The following NELL1 variants were observed in gnomAD, a reference collection of about 807,000 sequenced individuals.
NELL1 encodes neural EGFL like 1, also known as protein kinase C-binding protein NELL1.
A neutral mutation model predicts 107.4 loss-of-function variants in NELL1; 76 were observed. The observed-to-expected ratio is 0.71, with a 90% CI of 0.59 to 0.86. NELL1 has a LOEUF of 0.86. Ranked by LOEUF, NELL1 falls within the 40% of genes least tolerant of loss-of-function variation. NELL1 has a pLI of 0.00. For missense variants in NELL1, 1,024 were observed against 1,005.5 expected (o/e 1.02, Z -0.25); for synonymous variants, 353 against 341.2 (o/e 1.03, Z -0.38).
At chr11:20,965,222 T>G (rs1253566448) in intron 12 of NELL1, among the ~76,000 whole-genome samples, 1 of 152,164 alleles carries the variant, frequency 6.6e-6, no homozygotes, top group African/African-American at 2.4e-5. Context: ...TAAAGCAATG[T>G]TTTGTCATGC....
rs781565679 is a variant in NELL1 at position 21,483,990 on chromosome 11, C to CATATATATATATATAT, written c.1646-50357_1646-50342dup. 2.4e-4 allele frequency among the ~76,000 whole-genome samples: 21 copies of CATATATATATATATAT among 88,396 alleles called. 1 individual carries two copies. The highest frequency in any genetic ancestry group is 3.9e-4 in the Non-Finnish European group (18 of 45,996). 58.0% of individuals were successfully genotyped at this position (88,396 alleles called of 152,430 possible). A position where few individuals can be genotyped will look rare whatever the true frequency, so the allele number is the denominator to read the frequency against. On this transcript the variant is annotated intron_variant, in intron 15 of 19. Transcript: ENST00000357134. Reference sequence around the variant, plus strand: ...TATTTGGGTATCCTATTTTACTTAACATATATATATATATATATATATATA... The same window carrying CATATATATATATATAT: ...TATTTGGGTATCCTATTTTACTTAACATATATATATATATATATATATATATATATATATATATATA...
intron 12 of NELL1, among the ~76,000 whole-genome samples, chr11:21,105,227 A>G (rs2133712363): frequency 6.6e-6 from 1 of 152,256 alleles, no homozygotes; most frequent in Middle Eastern, 3.4e-3. Flanking sequence ...GAGGTTTAAT[A>G]GGCAAAAGAA....
At chr11:20,981,982 T>TCTCTCTC (rs1851760652) in intron 12 of NELL1, among the ~76,000 whole-genome samples, 2 of 125,280 alleles carry the variant, frequency 1.6e-5, no homozygotes, top group African/African-American at 6.3e-5. Flanking sequence ...CTCTCTCTCT[T>TCTCTCTC]TCTCTCTCTT....
Position 20,821,823 on chromosome 11 carries a change from C to T in NELL1, c.336-25760C>T, listed in dbSNP as rs573005520. Among the ~76,000 whole-genome samples, 30 of 152,336 alleles carry T rather than the reference C, an allele frequency of 2.0e-4. No homozygotes were observed. The South Asian group carries it at 6.2e-3, about 32-fold the overall frequency. ...ATATTGCTTAATCTGAGTACCAGGG[C>T]TTCTCTCTTGTTCATTTGTATGTTA... is the stretch of plus-strand genomic sequence containing the variant. On this transcript the variant is annotated intron_variant, in intron 3 of 19. Transcript: ENST00000357134.
chr11:21,506,277 A>G (rs1855276385), intron 15 of NELL1, among the ~76,000 whole-genome samples: 1 of 152,174 alleles, frequency 6.6e-6, no homozygotes, highest in East Asian at 1.9e-4. Context: ...AGACCCGCAG[A>G]GTCACAGTTC....
intron 15 of NELL1, among the ~76,000 whole-genome samples, chr11:21,469,572 T>C (rs1221610950): frequency 6.6e-6 from 1 of 152,066 alleles, no homozygotes; most frequent in Non-Finnish European, 1.5e-5. Flanking sequence ...TGGACTTCCT[T>C]TTTTCTTCTC....
At chr11:21,359,809 T>C (rs910684542) in intron 14 of NELL1, among the ~76,000 whole-genome samples, 1 of 152,194 alleles carries the variant, frequency 6.6e-6, no homozygotes, top group African/African-American at 2.4e-5. Flanking sequence ...AATGATCTTT[T>C]GTATTTCTGT....
intron 15 of NELL1, among the ~76,000 whole-genome samples, chr11:21,488,484 C>T (rs1261889517): frequency 6.6e-6 from 1 of 151,896 alleles, no homozygotes; most frequent in Non-Finnish European, 1.5e-5. Flanking sequence ...TCTGCAATTT[C>T]CTCAGGGGCT....
At chr11:20,950,602 C>T (rs1851050346) in intron 11 of NELL1, among the ~76,000 whole-genome samples, 1 of 152,220 alleles carries the variant, frequency 6.6e-6, no homozygotes, top group Admixed American at 6.5e-5. Flanking sequence ...TTTGGTTCTT[C>T]TTGCCTCCTC....
At chr11:21,430,790 A>G (rs964124022) in intron 15 of NELL1, among the ~76,000 whole-genome samples, 6 of 152,164 alleles carry the variant, frequency 3.9e-5, no homozygotes, top group Non-Finnish European at 5.9e-5. Context: ...CTCCAGGAGT[A>G]TGTTTGTCCC....
intron 3 of NELL1, among the ~76,000 whole-genome samples, chr11:20,793,324 T>C (rs187713808): frequency 1.6e-3 from 247 of 152,110 alleles, no homozygotes; most frequent in East Asian, 0.012. Context: ...TTTTACTTAA[T>C]AAAATTTTTA....
intron 15 of NELL1, among the ~76,000 whole-genome samples, chr11:21,515,837 C>T (rs1855548146): frequency 6.6e-6 from 1 of 152,166 alleles, no homozygotes; most frequent in South Asian, 2.1e-4. Context: ...GGCAGCTGAA[C>T]TTTGCTCACT....
intron 14 of NELL1, among the ~76,000 whole-genome samples, chr11:21,361,314 C>T (rs1399330728): frequency 6.9e-6 from 1 of 144,598 alleles, no homozygotes; most frequent in East Asian, 2.1e-4. Context: ...GATGAGACCC[C>T]AATCCCTTCT....
At chr11:21,232,159 A>AAATATATATATAT (rs1554985116) in intron 14 of NELL1, among the ~76,000 whole-genome samples, 3 of 73,196 alleles carry the variant, frequency 4.1e-5, no homozygotes, top group South Asian at 4.8e-4. Flanking sequence ...AAAAAAAAAA[A>AAATATATATATAT]ATATATATAT....
intron 15 of NELL1, among the ~76,000 whole-genome samples, chr11:21,479,601 A>T (rs1854437526): frequency 6.6e-6 from 1 of 152,182 alleles, no homozygotes; most frequent in South Asian, 2.1e-4. Context: ...GATAAAATTA[A>T]TAAGATCTAT....
intron 15 of NELL1, among the ~76,000 whole-genome samples, chr11:21,509,537 G>T (rs1484371723): frequency 6.6e-6 from 1 of 151,914 alleles, no homozygotes; most frequent in African/African-American, 2.4e-5. Context: ...TTCAAGATGG[G>T]TAAATATCAA....
chr11:21,253,694 G>T (rs1426035259), intron 14 of NELL1, among the ~76,000 whole-genome samples: 1 of 152,114 alleles, frequency 6.6e-6, no homozygotes, highest in Non-Finnish European at 1.5e-5. Flanking sequence ...GACAAATTGG[G>T]ATAGAACATG....
chr11:20,745,807 T>C (rs1284161686), intron 2 of NELL1, among the ~76,000 whole-genome samples: 2 of 152,162 alleles, frequency 1.3e-5, no homozygotes, highest in East Asian at 1.9e-4. Flanking sequence ...GATGAGGACA[T>C]TGAGGCTCAA....
intron 4 of NELL1, among the ~76,000 whole-genome samples, chr11:20,865,581 G>T (rs1849081255): frequency 6.6e-6 from 1 of 151,990 alleles, no homozygotes; most frequent in Admixed American, 6.6e-5. Context: ...TTATTAGGAA[G>T]AACAGGCAGG....
Sources: allele counts gnomAD v4.1 joint callset (sites outside exome capture counted in the v4.1 genomes callset), GRCh38; gene constraint gnomAD v4.1.1; transcripts MANE v1.5; gene names NCBI Gene and HGNC (gene_info 2026-07-23, HGNC 2026-07-21).